ZBBX: variants seen among roughly 807,000 people sequenced by gnomAD.
The protein encoded by ZBBX is zinc finger B-box domain-containing protein 1.
In ZBBX, 101 loss-of-function variants were observed where a neutral mutation model predicts 108.5. The ratio of observed to expected loss-of-function variants is 0.93; its 90% CI spans 0.79 to 1.10. The LOEUF (loss-of-function observed/expected upper bound fraction) is 1.10, where lower values mean the gene tolerates loss of function less well. Ranked by LOEUF, ZBBX falls within the 50% of genes least tolerant of loss-of-function variation. The pLI is 0.00. For synonymous variants in ZBBX, 356 were observed against 323.4 expected, an observed-to-expected ratio of 1.10 and a Z score of -1.08; for missense variants, 1,009 against 941.4, an observed-to-expected ratio of 1.07 and a Z score of -0.94.
At chr3:167,388,286 AG>A (rs1747981077) in intron 1 of ZBBX, among the ~76,000 whole-genome samples, 1 of 151,988 alleles carries the variant, frequency 6.6e-6, no homozygotes, top group Admixed American at 6.6e-5. Flanking sequence ...TGAAAATGTT[AG>A]GAGATAAGAC....
intron 9 of ZBBX, among the ~76,000 whole-genome samples, chr3:167,348,377 G>GAAAA (rs1742052323): frequency 2.0e-5 from 2 of 97,816 alleles, no homozygotes; most frequent in South Asian, 3.5e-4. Flanking sequence ...AGAAAAAAAA[G>GAAAA]AAAAGAAAAG....
intron 7 of ZBBX, 135 bp downstream of exon 7, chr3:167,360,540 T>A: frequency 2.2e-6 from 1 of 445,452 alleles, no homozygotes. Context: ...ATGTTGAAAA[T>A]CAATGTGTCA....
At chr3:167,365,120 C>A (rs1318074405) in intron 6 of ZBBX, among the ~76,000 whole-genome samples, 1 of 151,584 alleles carries the variant, frequency 6.6e-6, no homozygotes, top group Admixed American at 6.6e-5. Flanking sequence ...ATTGATTTTT[C>A]CCTAAGATAG....
At chr3:167,317,152 CT>C in intron 13 of ZBBX, 47 bp from the exon 14 acceptor site, 1 of 1,272,934 alleles carries the variant, frequency 7.9e-7, no homozygotes, top group Non-Finnish European at 1.1e-6. Flanking sequence ...ATATATCTTA[CT>C]TTATAATTTC....
the ZBBX span, among the ~76,000 whole-genome samples, chr3:167,208,316 C>T: frequency 5.9e-5 from 9 of 152,272 alleles, no homozygotes; most frequent in South Asian, 2.1e-4. Flanking sequence ...TGTGACCCAG[C>T]GAGAAACCAG....
chr3:167,316,197 TG>T (rs1401671929), intron 14 of ZBBX, among the ~76,000 whole-genome samples: 1 of 152,100 alleles, frequency 6.6e-6, no homozygotes, highest in Non-Finnish European at 1.5e-5. Flanking sequence ...ATGTATGTAG[TG>T]TGTGTGTTTT....
intron 6 of ZBBX, among the ~76,000 whole-genome samples, chr3:167,363,370 A>G (rs1200582404): frequency 6.6e-6 from 1 of 152,048 alleles, no homozygotes; most frequent in African/African-American, 2.4e-5. Flanking sequence ...TGAGCAGACG[A>G]TATTGTCTTC....
At chr3:167,318,692 C>T (rs1735878042) in intron 12 of ZBBX, among the ~76,000 whole-genome samples, 1 of 151,954 alleles carries the variant, frequency 6.6e-6, no homozygotes, top group African/African-American at 2.4e-5. Context: ...CACATATCCT[C>T]ATTCACTTTT....
In ZBBX at chr3:167,407,747, G is replaced by A. The variant is rs118182167; in HGVS notation, c.-467C>T. The stretch of plus-strand genomic sequence containing the variant: ...TTACCTTGAGTAGGCTGAGGAGGAA[G>A]AGGAAGAGGAGGGGTTGGTCTTGCT... On this transcript the variant is annotated 5_prime_UTR_variant, in exon 1 of 22. Transcript: ENST00000455345. Among the ~76,000 whole-genome samples, 163 of 152,208 alleles carry A rather than the reference G, an allele frequency of 1.1e-3. 1 individual carries two copies. In the East Asian group the frequency reaches 0.019, roughly 18 times the overall value.
chr3:167,342,258 C>T (rs1740660109), intron 9 of ZBBX, among the ~76,000 whole-genome samples: 1 of 151,696 alleles, frequency 6.6e-6, no homozygotes, highest in African/African-American at 2.4e-5. Flanking sequence ...CATGAGATAA[C>T]ATAGGTAGCA....
At chr3:167,317,277 T>A (rs1292119631) in intron 13 of ZBBX, among the ~76,000 whole-genome samples, 172 bp from the exon 14 acceptor site, 1 of 152,076 alleles carries the variant, frequency 6.6e-6, no homozygotes, top group Non-Finnish European at 1.5e-5. Flanking sequence ...TAGCATTCAA[T>A]TTTTAAATGA....
intron 11 of ZBBX, among the ~76,000 whole-genome samples, chr3:167,324,622 G>C (rs1399395978): frequency 6.6e-6 from 1 of 152,086 alleles, no homozygotes; most frequent in Non-Finnish European, 1.5e-5. Flanking sequence ...TCTGTGAATT[G>C]AAACACTGAT....
chr3:167,387,530 GA>G (rs1484433570), intron 1 of ZBBX, among the ~76,000 whole-genome samples: 1 of 151,798 alleles, frequency 6.6e-6, no homozygotes, highest in Non-Finnish European at 1.5e-5. Context: ...GTTCTGGATA[GA>G]AAAAAGAAAG....
Position 167,282,225 on chromosome 3 carries a change from A to C in ZBBX, c.2254+13T>G. Reference sequence around the variant, plus strand: ...ATTAGCATTATCTAAAGTGAAAAAAAAAATAGGATTACCTGCAAGAGATCT... The same window carrying C: ...ATTAGCATTATCTAAAGTGAAAAAACAAATAGGATTACCTGCAAGAGATCT... On this transcript the variant is annotated intron_variant, in intron 20 of 21. Transcript: ENST00000675490. 1 of 1,592,978 alleles carries C rather than the reference A, an allele frequency of 6.3e-7. No individual in the cohort carries two copies. Among genetic ancestry groups the C allele is most frequent in the African/African-American group, 1.4e-5 (1 of 73,922 alleles).
chr3:167,335,114 A>G (rs980344188), intron 9 of ZBBX, among the ~76,000 whole-genome samples: 1 of 152,140 alleles, frequency 6.6e-6, no homozygotes, highest in Non-Finnish European at 1.5e-5. Context: ...TATCCTGCGT[A>G]GATCTCTACC....
chr3:167,260,895 T>C (rs1228633605), intron 20 of ZBBX, among the ~76,000 whole-genome samples: 1 of 152,214 alleles, frequency 6.6e-6, no homozygotes, highest in Non-Finnish European at 1.5e-5. Flanking sequence ...TGGGGGGTGT[T>C]GAAGAGCCTT....
At chr3:167,339,033 A>G (rs1476639106) in intron 9 of ZBBX, among the ~76,000 whole-genome samples, 1 of 152,084 alleles carries the variant, frequency 6.6e-6, no homozygotes, top group Non-Finnish European at 1.5e-5. Flanking sequence ...TCAAAGTACA[A>G]TCTGTTCTGA....
At chr3:167,212,506 C>T in the ZBBX span, among the ~76,000 whole-genome samples, 1,743 of 152,200 alleles carry the variant, frequency 0.011, 32 homozygotes, top group African/African-American at 0.04. Context: ...TGCAGTTGAC[C>T]CAAGGAGAGG....
In ZBBX at chr3:167,327,942, CT is replaced by C; in HGVS notation, c.861del (p.Asp288ThrfsTer12). Reference sequence around the variant, plus strand: ...AAAAAAAAAAAAAAAAAAGCCATACCTTTTACTGCTGCATGTAAATTCTGTT... The same window carrying C: ...AAAAAAAAAAAAAAAAAAGCCATACCTTTACTGCTGCATGTAAATTCTGTT... ...NKKQNLHAAV[K>X]DSLEECEVQT... On this transcript the variant is annotated frameshift_variant and splice_region_variant, in exon 11 of 22. Coordinates refer to ENST00000675490, the MANE Select transcript of ZBBX (RefSeq NM_001199201.2). LOFTEE classifies it high-confidence loss of function. 1 of 1,416,112 alleles carries C rather than the reference CT, an allele frequency of 7.1e-7. No individual in the cohort carries two copies. The highest frequency in any genetic ancestry group is 9.6e-7 in the Non-Finnish European group (1 of 1,036,658). 87.7% of individuals were successfully genotyped at this position (1,416,112 alleles called of 1,614,324 possible).
Sources: allele counts gnomAD v4.1 joint callset (sites outside exome capture counted in the v4.1 genomes callset), GRCh38; gene constraint gnomAD v4.1.1; transcripts MANE v1.5; gene names NCBI Gene and HGNC (gene_info 2026-07-23, HGNC 2026-07-21).